Variants in NARS2 observed in about 807,000 individuals in gnomAD.
The protein encoded by NARS2 is asparaginyl-tRNA synthetase.
A neutral mutation model predicts 62.9 loss-of-function variants in NARS2; 60 were observed. The observed-to-expected ratio is 0.95, with a 90% CI of 0.77 to 1.18. The LOEUF (loss-of-function observed/expected upper bound fraction) is 1.18, where lower values mean the gene tolerates loss of function less well. Ranked by LOEUF, NARS2 falls within the 50% of genes most tolerant of loss-of-function variation. NARS2 has a pLI of 0.00. For missense variants in NARS2, 619 were observed against 576.4 expected, an observed-to-expected ratio of 1.07 and a Z score of -0.76; for synonymous variants, 196 against 200.0, an observed-to-expected ratio of 0.98 and a Z score of 0.17.
intron 10 of NARS2, among the ~76,000 whole-genome samples, chr11:78,467,698 C>T (rs1220859596): frequency 6.6e-6 from 1 of 152,002 alleles, no homozygotes; most frequent in African/African-American, 2.4e-5. Flanking sequence ...AGTGTATACA[C>T]TTTCAGTTAT....
At chr11:78,551,367 T>C (rs991450173) in intron 5 of NARS2, among the ~76,000 whole-genome samples, 2 of 152,086 alleles carry the variant, frequency 1.3e-5, no homozygotes, top group Non-Finnish European at 2.9e-5. Context: ...TGTAACACAA[T>C]GGTAAGCGTG....
chr11:78,494,325 A>C (rs1403594749), intron 6 of NARS2, among the ~76,000 whole-genome samples: 1 of 152,206 alleles, frequency 6.6e-6, no homozygotes, highest in African/African-American at 2.4e-5. Flanking sequence ...TTTTGTTAGA[A>C]CAAAGCAAGC....
intron 11 of NARS2, among the ~76,000 whole-genome samples, chr11:78,447,597 C>G (rs1565204216): frequency 6.6e-6 from 1 of 152,008 alleles, no homozygotes; most frequent in South Asian, 2.1e-4. Flanking sequence ...CAGAAACAAC[C>G]TACGTGCCCA....
Position 78,465,998 on chromosome 11 carries a change from G to A in NARS2, c.1042C>T (p.Arg348Trp), listed in dbSNP as rs149061222. Residue 348 changes from arginine (R) to tryptophan (W), a missense_variant, in exon 11 of 14, where the codon CGG becomes TGG. Arg to Trp is a moderately radical substitution (Grantham distance 101). Coordinates refer to ENST00000281038, the MANE Select transcript of NARS2 (RefSeq NM_024678.6). ...TFTPEWGADL[R>W]TEHEKYLVKH... ...ACCAGGTACTTTTCATGTTCAGTCC[G>A]TAGGTCAGCACCCCACTGTAATGAG... is the stretch of plus-strand genomic sequence containing the variant. 1.6e-4 allele frequency: 256 copies of A among 1,609,902 alleles called. No individual in the cohort carries two copies. In the African/African-American group the frequency reaches 2.6e-3, roughly 16 times the overall value.
intron 6 of NARS2, among the ~76,000 whole-genome samples, chr11:78,502,637 G>A (rs890485222): frequency 3.3e-5 from 5 of 152,174 alleles, no homozygotes; most frequent in African/African-American, 9.7e-5. Context: ...GATGTTGGTT[G>A]TACAATGTCA....
chr11:78,439,834 A>G (rs1857521527), intron 13 of NARS2, among the ~76,000 whole-genome samples: 1 of 152,196 alleles, frequency 6.6e-6, no homozygotes, highest in Admixed American at 6.5e-5. Flanking sequence ...TAATATAGAA[A>G]TATAAATAAA....
intron 5 of NARS2, 79 bp from the exon 6 acceptor site, chr11:78,529,015 T>C: frequency 1.1e-6 from 1 of 908,280 alleles, no homozygotes; most frequent in Non-Finnish European, 1.8e-6. Context: ...ATGTCACAAC[T>C]AAAAATCACA....
rs138650223 is a variant in NARS2, at chr11:78,493,335, A to G, written c.690-140T>C. 39 of 726,148 alleles carry G rather than the reference A, an allele frequency of 5.4e-5. No homozygotes were observed. The African/African-American group carries it at 6.1e-4, about 11-fold the overall frequency. The allele number at this position is 726,148 out of a possible 1,614,324, so 45.0% of individuals were successfully genotyped here. A position where few individuals can be genotyped will look rare whatever the true frequency, so the allele number is the denominator to read the frequency against. Reference sequence around the variant, plus strand: ...CAGACTGACACATATTTGCTGCTACATATTTCTCTAATAGGTGATAATAAC... The same window carrying G: ...CAGACTGACACATATTTGCTGCTACGTATTTCTCTAATAGGTGATAATAAC... On this transcript the variant is annotated intron_variant, in intron 6 of 13. Coordinates refer to ENST00000281038, the MANE Select transcript of NARS2 (RefSeq NM_024678.6).
chr11:78,572,686 G>A (rs986461858), intron 1 of NARS2, among the ~76,000 whole-genome samples: 6 of 152,130 alleles, frequency 3.9e-5, no homozygotes, highest in African/African-American at 1.4e-4. Flanking sequence ...AACCATTGGA[G>A]CAGGGCTGTC....
intron 6 of NARS2, among the ~76,000 whole-genome samples, chr11:78,515,368 T>C (rs1860866970): frequency 6.6e-6 from 1 of 152,022 alleles, no homozygotes; most frequent in East Asian, 1.9e-4. Flanking sequence ...TCTGATTCAG[T>C]AGTGTTTGCT....
chr11:78,439,735 G>A (rs1485664601), intron 13 of NARS2, among the ~76,000 whole-genome samples: 1 of 152,196 alleles, frequency 6.6e-6, no homozygotes, highest in Non-Finnish European at 1.5e-5. Context: ...AGGCGAGGGT[G>A]TAGGTAACTT....
Position 78,493,082 on chromosome 11 carries a change from C to T in NARS2, c.803G>A (p.Ser268Asn). The change falls in exon 7 of 14, where the codon AGC becomes AAC. Residue 268 changes from serine (S) to asparagine (N), a missense_variant. Coordinates refer to ENST00000281038, the MANE Select transcript of NARS2 (RefSeq NM_024678.6). ...MIEAEISFVD[S>N]LQDLMQVIEE... ...ACCTACCTGCATAAGATCTTGAAGGCTGTCAACAAAAGAAATCTCTGCTTC... is the reference window on the plus strand; with the variant it reads ...ACCTACCTGCATAAGATCTTGAAGGTTGTCAACAAAAGAAATCTCTGCTTC... 6.2e-7 allele frequency: 1 copy of T among 1,612,944 alleles called. No individual in the cohort carries two copies.
chr11:78,549,456 C>T (rs1367354129), intron 5 of NARS2, among the ~76,000 whole-genome samples: 5 of 152,258 alleles, frequency 3.3e-5, no homozygotes, highest in South Asian at 2.1e-4. Flanking sequence ...CCAAACTGAA[C>T]GGTGCTCTCC....
At chr11:78,549,953 C>T (rs947798496) in intron 5 of NARS2, among the ~76,000 whole-genome samples, 5 of 151,984 alleles carry the variant, frequency 3.3e-5, no homozygotes, top group Non-Finnish European at 5.9e-5. Flanking sequence ...TCTTTTAAGG[C>T]AAAAGACTTA....
intron 5 of NARS2, among the ~76,000 whole-genome samples, chr11:78,551,711 C>T (rs1004692566): frequency 1.3e-5 from 2 of 151,940 alleles, no homozygotes; most frequent in African/African-American, 2.4e-5. Flanking sequence ...ATTAGCCGGG[C>T]GTGGTGGCAG....
intron 9 of NARS2, among the ~76,000 whole-genome samples, chr11:78,473,732 T>C (rs1488320545): frequency 6.6e-6 from 1 of 152,260 alleles, no homozygotes; most frequent in Non-Finnish European, 1.5e-5. Context: ...GATATACTTC[T>C]ACACTTCTTT....
At chr11:78,478,277 T>C (rs1157647216) in intron 9 of NARS2, among the ~76,000 whole-genome samples, 161 bp downstream of exon 9, 1 of 151,690 alleles carries the variant, frequency 6.6e-6, no homozygotes, top group African/African-American at 2.4e-5. Flanking sequence ...GGGTCTTGCC[T>C]GGAATCTGGG....
In NARS2 at chr11:78,574,431, G is replaced by T. The variant is rs1163135745; in HGVS notation, c.58C>A (p.Pro20Thr). The T allele has an allele frequency of 6.2e-7, 1 of 1,614,054 alleles. No homozygotes were observed. Among genetic ancestry groups the T allele is most frequent in the Non-Finnish European group, 8.5e-7 (1 of 1,180,036 alleles). The change falls in exon 1 of 14, where the codon CCC becomes ACC. Residue 20 changes from proline to threonine, a missense_variant. By Grantham distance (38) the Pro-to-Thr change is conservative. Coordinates refer to ENST00000281038, the MANE Select transcript of NARS2 (RefSeq NM_024678.6). ...SVRFCSSAPFPKHKPSAKLSV... is the reference protein window; with the variant it reads ...SVRFCSSAPFTKHKPSAKLSV... ...AGTTTGGCTGAAGGTTTGTGCTTGG[G>T]GAAGGGGGCGGAGGAACAGAAGCGC...
chr11:78,574,227 ACTTT>A, intron 1 of NARS2, 117 bp downstream of exon 1: 3 of 1,308,710 alleles, frequency 2.3e-6, no homozygotes, highest in South Asian at 1.2e-5. Context: ...CGACGCCTAC[ACTTT>A]CTAACTTTTC....
Sources: allele counts gnomAD v4.1 joint callset (sites outside exome capture counted in the v4.1 genomes callset), GRCh38; gene constraint gnomAD v4.1.1; transcripts MANE v1.5; gene names NCBI Gene and HGNC (gene_info 2026-07-23, HGNC 2026-07-21).